Variants in SDK1 observed in about 807,000 individuals in gnomAD.
The protein encoded by SDK1 is protein sidekick-1.
In SDK1, 157 loss-of-function variants were observed where a neutral mutation model predicts 245.5. That is an observed-to-expected ratio of 0.64 (90% CI 0.56 to 0.73). The LOEUF (loss-of-function observed/expected upper bound fraction) is 0.73, where lower values mean the gene tolerates loss of function less well. SDK1 is among the 30% of genes least tolerant of loss of function. The pLI is 0.00. For missense variants in SDK1, 3,583 were observed against 3,002.3 expected (o/e 1.19, Z -4.52); for synonymous variants, 1,647 against 1,278.5 (o/e 1.29, Z -6.15).
At chr7:3,516,062 G>C (rs945397738) in intron 1 of SDK1, among the ~76,000 whole-genome samples, 1 of 150,968 alleles carries the variant, frequency 6.6e-6, no homozygotes, top group Non-Finnish European at 1.5e-5. Context: ...AGTTGAAAAT[G>C]TAAGAAAATT....
intron 4 of SDK1, among the ~76,000 whole-genome samples, chr7:3,808,871 T>A (rs1031448398): frequency 2.0e-5 from 3 of 152,162 alleles, no homozygotes; most frequent in Non-Finnish European, 2.9e-5. Flanking sequence ...CATTAAAAAT[T>A]GGATTTTCAT....
At chr7:3,868,547 C>T (rs1780878019) in intron 5 of SDK1, among the ~76,000 whole-genome samples, 2 of 152,292 alleles carry the variant, frequency 1.3e-5, no homozygotes, top group Middle Eastern at 3.4e-3. Context: ...GGGGCCTTTA[C>T]AATCAGATAA....
At chr7:3,721,571 C>G (rs1778802982) in intron 4 of SDK1, among the ~76,000 whole-genome samples, 1 of 152,164 alleles carries the variant, frequency 6.6e-6, no homozygotes, top group Non-Finnish European at 1.5e-5. Context: ...TGTGGGTGCA[C>G]CCTTCTGACG....
chr7:3,626,868 A>G (rs567167037), intron 2 of SDK1, among the ~76,000 whole-genome samples: 3 of 152,006 alleles, frequency 2.0e-5, no homozygotes, highest in Non-Finnish European at 4.4e-5. Context: ...TAAAGTTGGG[A>G]AAAAAACAAA....
chr7:3,391,490 T>C (rs996575147), intron 1 of SDK1, among the ~76,000 whole-genome samples: 8 of 152,162 alleles, frequency 5.3e-5, no homozygotes, highest in Admixed American at 5.2e-4. Context: ...CTTTACGTTT[T>C]CTGTTGTAGA....
chr7:3,861,783 T>A (rs1264423127), intron 5 of SDK1, among the ~76,000 whole-genome samples: 2 of 152,190 alleles, frequency 1.3e-5, no homozygotes, highest in African/African-American at 4.8e-5. Flanking sequence ...AATTTTACCC[T>A]CTCCCGTCAA....
chr7:3,453,955 C>G (rs150042495), intron 1 of SDK1, among the ~76,000 whole-genome samples: 1 of 152,024 alleles, frequency 6.6e-6, no homozygotes, highest in African/African-American at 2.4e-5. Flanking sequence ...GATTTTGATA[C>G]AATGTACGAC....
At chr7:3,535,543 T>C (rs952492981) in intron 1 of SDK1, among the ~76,000 whole-genome samples, 5 of 152,170 alleles carry the variant, frequency 3.3e-5, no homozygotes, top group South Asian at 2.1e-4. Flanking sequence ...TTATGCAGGC[T>C]TCTTAACTTC....
intron 40 of SDK1, among the ~76,000 whole-genome samples, chr7:4,223,304 T>G (rs1458383650): frequency 6.6e-6 from 1 of 152,218 alleles, no homozygotes; most frequent in African/African-American, 2.4e-5. Context: ...TTCCTGTAAT[T>G]ATGGATGCAG....
At chr7:3,588,445 A>G (rs1381848725) in intron 1 of SDK1, among the ~76,000 whole-genome samples, 5 of 152,224 alleles carry the variant, frequency 3.3e-5, no homozygotes, top group Non-Finnish European at 5.9e-5. Flanking sequence ...TTTCTGGTTC[A>G]GAAAATTCAC....
At chr7:4,096,485 C>T (rs914218802) in intron 22 of SDK1, among the ~76,000 whole-genome samples, 1 of 152,084 alleles carries the variant, frequency 6.6e-6, no homozygotes, top group Non-Finnish European at 1.5e-5. Flanking sequence ...CCAACTATAC[C>T]GGGATGGGTC....
intron 20 of SDK1, among the ~76,000 whole-genome samples, chr7:4,075,272 C>G (rs1326988918): frequency 2.0e-5 from 3 of 152,176 alleles, no homozygotes; most frequent in East Asian, 3.9e-4. Flanking sequence ...AGCCCGCACA[C>G]AGAAGCTGCC....
chr7:3,703,399 A>G (rs1274624747), intron 4 of SDK1, among the ~76,000 whole-genome samples: 1 of 152,264 alleles, frequency 6.6e-6, no homozygotes, highest in African/African-American at 2.4e-5. Context: ...TTTATGTAAC[A>G]TTCTCAAAAT....
At chr7:4,144,576 G>C (rs1301067631) in intron 28 of SDK1, among the ~76,000 whole-genome samples, 1 of 152,088 alleles carries the variant, frequency 6.6e-6, no homozygotes. Context: ...TGTTAAATGC[G>C]TGGATGAGTG....
chr7:4,131,541 A>T (rs1446403637), intron 27 of SDK1, among the ~76,000 whole-genome samples: 1 of 152,154 alleles, frequency 6.6e-6, no homozygotes, highest in African/African-American at 2.4e-5. Context: ...ACATCCTTTT[A>T]TTTTGATATT....
intron 35 of SDK1, among the ~76,000 whole-genome samples, chr7:4,202,300 A>C (rs2128226083): frequency 1.3e-5 from 2 of 152,298 alleles, no homozygotes; most frequent in South Asian, 4.2e-4. Flanking sequence ...GGGATAACAA[A>C]CAACCTCCAA....
rs77779769 is a variant in SDK1 at position 3,867,246 on chromosome 7, G to A, written c.847+45663G>A. Among the ~76,000 whole-genome samples the A allele has an allele frequency of 8.0e-4, 122 of 152,248 alleles. 1 individual carries two copies. Among genetic ancestry groups the A allele is most frequent in the African/African-American group, 2.8e-3 (118 of 41,532 alleles). Reference sequence around the variant, plus strand: ...TCAAACTGGCCAAAGAAAAAAATAGGCCCCTAACACAGGAGAGAGAAAGAG... The same window carrying A: ...TCAAACTGGCCAAAGAAAAAAATAGACCCCTAACACAGGAGAGAGAAAGAG... On this transcript the variant is annotated intron_variant, in intron 5 of 44. Transcript: ENST00000404826.
intron 5 of SDK1, among the ~76,000 whole-genome samples, chr7:3,855,286 A>G (rs1331178106): frequency 6.6e-6 from 1 of 152,068 alleles, no homozygotes; most frequent in East Asian, 1.9e-4. Context: ...GGGAATGACA[A>G]CACCATGAAA....
chr7:4,096,097 C>T (rs7802807), intron 22 of SDK1, among the ~76,000 whole-genome samples: 44,705 of 152,148 alleles, frequency 0.29, 7,632 homozygotes, highest in African/African-American at 0.47. Flanking sequence ...TGCATGTCTT[C>T]TCTGTGATTT....
Sources: allele counts gnomAD v4.1 joint callset (sites outside exome capture counted in the v4.1 genomes callset), GRCh38; gene constraint gnomAD v4.1.1; transcripts MANE v1.5; gene names NCBI Gene and HGNC (gene_info 2026-07-23, HGNC 2026-07-21).